The following SERINC3 variants were observed in gnomAD, a reference collection of about 807,000 sequenced individuals.
SERINC3 encodes the protein tumor differentially expressed protein 1.
In SERINC3, 22 loss-of-function variants were observed where a neutral mutation model predicts 52.1. The observed-to-expected ratio is 0.42, with a 90% CI of 0.30 to 0.60. The LOEUF (loss-of-function observed/expected upper bound fraction) is 0.60. SERINC3 is among the 20% of genes least tolerant of loss of function. The pLI, the probability that SERINC3 is intolerant of heterozygous loss-of-function variation, is 0.16. For missense variants in SERINC3, 564 were observed against 584.6 expected (o/e 0.96, Z 0.36); for synonymous variants, 226 against 212.7 (o/e 1.06, Z -0.54).
chr20:44,499,967 C>T lies in SERINC3; in HGVS notation c.*329G>A, dbSNP rs892737060. 1 of 174,382 alleles carries T rather than the reference C, an allele frequency of 5.7e-6. No individual in the cohort carries two copies. The allele number at this position is 174,382 out of a possible 1,614,324, so 10.8% of individuals were successfully genotyped here. On this transcript the variant is annotated 3_prime_UTR_variant, in exon 10 of 10. Transcript: ENST00000342374. Reference sequence around the variant, plus strand: ...ATTAAGCATGGCCTCAAATATCCAACATTTTCCTATCTTACATTTTAAACC... The same window carrying T: ...ATTAAGCATGGCCTCAAATATCCAATATTTTCCTATCTTACATTTTAAACC...
At chr20:44,520,615 C>T (rs536207295) in intron 1 of SERINC3, among the ~76,000 whole-genome samples, 1 of 152,062 alleles carries the variant, frequency 6.6e-6, no homozygotes, top group Non-Finnish European at 1.5e-5. Context: ...TGGGGAAGGA[C>T]GGTGGGGGGA....
rs397757339 is a variant in SERINC3 at position 44,518,973 on chromosome 20, G to GA, written c.39+2939dup. Among the ~76,000 whole-genome samples, 206 of 61,652 alleles carry GA rather than the reference G, an allele frequency of 3.3e-3. 1 individual carries two copies. Among genetic ancestry groups the GA allele is most frequent in the Middle Eastern group, 0.01 (1 of 98 alleles). 40.4% of individuals were successfully genotyped at this position (61,652 alleles called of 152,430 possible). The stretch of plus-strand genomic sequence containing the variant: ...GAGTGGAACTTGTTTTCTCAAAAAC[G>GA]AAAAAAAAAAAAAAAGCCTCAAGTT... On this transcript the variant is annotated intron_variant, in intron 1 of 9. Coordinates refer to ENST00000342374, the MANE Select transcript of SERINC3 (RefSeq NM_006811.4).
rs567272779 is a variant in SERINC3 at position 44,504,921 on chromosome 20, A to G, written c.784-30T>C. On this transcript the variant is annotated intron_variant, in intron 6 of 9. Transcript: ENST00000342374. The stretch of plus-strand genomic sequence containing the variant: ...GGAATCAAAAGGAAAACAGTGGCAC[A>G]GGGACTGCCAAGGGCTGACTTTCCA... 37 of 1,580,674 alleles carry G rather than the reference A, an allele frequency of 2.3e-5. No homozygotes were observed. In the Admixed American group the frequency reaches 4.9e-4, roughly 21 times the overall value.
downstream of SERINC3, chr20:44,496,477 T>C (rs1024912788): frequency 2.6e-5 from 4 of 152,352 alleles, no homozygotes; most frequent in African/African-American, 9.7e-5. Flanking sequence ...CAACTCATTA[T>C]GTGAATACTC....
chr20:44,502,629 T>C (rs1198233369), intron 8 of SERINC3, among the ~76,000 whole-genome samples: 1 of 152,074 alleles, frequency 6.6e-6, no homozygotes, highest in African/African-American at 2.4e-5. Flanking sequence ...GTATTTCTTT[T>C]TGAGATGAGG....
Position 44,501,184 on chromosome 20 carries a change from C to G in SERINC3, c.1172G>C (p.Arg391Pro), listed in dbSNP as rs1407900622. The G allele has an allele frequency of 6.2e-7, 1 of 1,613,912 alleles. No individual in the cohort carries two copies. The highest frequency in any genetic ancestry group is 1.3e-5 in the African/African-American group (1 of 74,914). ...CTCTTTCTCGTTGTCCACAGCCCGC[C>G]GAGGCTGTCCATCTTCTTCATCACT... is the stretch of plus-strand genomic sequence containing the variant. ...GASDEEDGQP[R>P]RAVDNEKEGV... The change falls in exon 9 of 10, where the codon CGG becomes CCG. Residue 391 changes from arginine to proline, a missense_variant. Coordinates refer to ENST00000342374, the MANE Select transcript of SERINC3 (RefSeq NM_006811.4).
intron 1 of SERINC3, among the ~76,000 whole-genome samples, chr20:44,515,643 C>T (rs1600818384): frequency 6.6e-6 from 1 of 151,772 alleles, no homozygotes; most frequent in African/African-American, 2.4e-5. Flanking sequence ...CTAAATGCCA[C>T]TATACGCTTT....
chr20:44,508,430 G>A (rs2064328130), intron 5 of SERINC3, among the ~76,000 whole-genome samples: 4 of 152,244 alleles, frequency 2.6e-5, no homozygotes, highest in Middle Eastern at 3.4e-3. Flanking sequence ...CAGGAAGGCA[G>A]AGGTTGCAGT....
chr20:44,515,812 A>C (rs2064376856), intron 1 of SERINC3, among the ~76,000 whole-genome samples: 4 of 150,408 alleles, frequency 2.7e-5, no homozygotes, highest in African/African-American at 7.3e-5. Flanking sequence ...TGCCACCCCC[A>C]GCTGATTTTT....
At chr20:44,514,915 C>T (rs557358998) in intron 1 of SERINC3, among the ~76,000 whole-genome samples, 71 of 152,242 alleles carry the variant, frequency 4.7e-4, no homozygotes, top group South Asian at 2.5e-3. Flanking sequence ...AGTATATACC[C>T]GACCCCAATA....
chr20:44,521,826 T>C, intron 1 of SERINC3, 87 bp downstream of exon 1: 2 of 1,376,172 alleles, frequency 1.5e-6, no homozygotes, highest in Non-Finnish European at 2.0e-6. Flanking sequence ...CCCGAGAGCC[T>C]CTGGAGCCAA....
In SERINC3 at chr20:44,510,047, C is replaced by T. The variant is rs368038053; in HGVS notation, c.476-19G>A. ...AACCAGACTACAAGAACCAAGAGAA[C>T]AAAGTTATTCTCTACCATAGAGTAA... On this transcript the variant is annotated intron_variant, in intron 4 of 9. Coordinates refer to ENST00000342374, the MANE Select transcript of SERINC3 (RefSeq NM_006811.4). The T allele has an allele frequency of 7.3e-5, 117 of 1,610,692 alleles. No individual in the cohort carries two copies. Among genetic ancestry groups the T allele is most frequent in the Non-Finnish European group, 1.1e-5 (13 of 1,177,096 alleles).
chr20:44,512,809 T>C lies in SERINC3; in HGVS notation c.387A>G (p.Val129=), dbSNP rs1265288606. Residue 129 remains valine, a synonymous_variant, in exon 3 of 10, where the codon GTA becomes GTG. Transcript: ENST00000342374. ...VKTSKDLRAA[V]HNGFWFFKIA... is the part of the protein sequence containing the mutation. ...TCATAAATCTAACATACCCATTGTG[T>C]ACTGCCGCTCGGAGATCTTTACTTG... 6.4e-7 allele frequency: 1 copy of C among 1,572,714 alleles called. No individual in the cohort carries two copies. Among genetic ancestry groups the C allele is most frequent in the Non-Finnish European group, 8.6e-7 (1 of 1,167,724 alleles).
chr20:44,522,025 C>CT lies in SERINC3; in HGVS notation c.-75dup. ...CGGTGGTAACTGCCAGCTGAGGTGA[C>CT]TCCCCAGAAACATGACGGTTTCTCA... On this transcript the variant is annotated 5_prime_UTR_variant, in exon 1 of 10. An upstream open reading frame in the 5' UTR loses its in-frame stop. Transcript: ENST00000342374. The CT allele has an allele frequency of 1.4e-6, 2 of 1,455,254 alleles. No homozygotes were observed. Among genetic ancestry groups the CT allele is most frequent in the Non-Finnish European group, 1.9e-6 (2 of 1,060,112 alleles). The allele number at this position is 1,455,254 out of a possible 1,614,324, so 90.1% of individuals were successfully genotyped here. A position where few individuals can be genotyped will look rare whatever the true frequency, so the allele number is the denominator to read the frequency against.
rs557406296 is a variant in SERINC3, at chr20:44,503,446, G to C, written c.1055+369C>G. 3.9e-5 allele frequency among the ~76,000 whole-genome samples: 6 copies of C among 152,166 alleles called. No homozygotes were observed. In the East Asian group the frequency reaches 9.6e-4, roughly 24 times the overall value. On this transcript the variant is annotated intron_variant, in intron 8 of 9. Transcript: ENST00000342374. ...GAGGATCACCTGAGGTCAGGAGTTC[G>C]AGACCAGCCTAGCCAACATGGTGAA... is the stretch of plus-strand genomic sequence containing the variant.
intron 5 of SERINC3, among the ~76,000 whole-genome samples, chr20:44,507,297 A>G (rs1174774547): frequency 3.3e-5 from 5 of 152,180 alleles, no homozygotes; most frequent in Admixed American, 3.3e-4. Context: ...CTATATGTTA[A>G]TTAATGTGTA....
In SERINC3 at chr20:44,501,207, A is replaced by T. The variant is rs1376136450; in HGVS notation, c.1149T>A (p.Ser383Arg). The change falls in exon 9 of 10, where the codon AGT becomes AGA. Residue 383 changes from serine to arginine, a missense_variant. By Grantham distance (110) the Ser-to-Arg change is moderately radical. Coordinates refer to ENST00000342374, the MANE Select transcript of SERINC3 (RefSeq NM_006811.4). The part of the protein sequence containing the change: ...ILGDTTTSGA[S>R]DEEDGQPRRA... ...GCCGAGGCTGTCCATCTTCTTCATC[A>T]CTGGCACCACTGGTAGTTGTATCAC... 1 of 1,613,992 alleles carries T rather than the reference A, an allele frequency of 6.2e-7. No individual in the cohort carries two copies. Among genetic ancestry groups the T allele is most frequent in the African/African-American group, 1.3e-5 (1 of 74,900 alleles).
intron 4 of SERINC3, among the ~76,000 whole-genome samples, chr20:44,510,373 A>G (rs2064339671): frequency 6.6e-6 from 1 of 152,216 alleles, no homozygotes; most frequent in Admixed American, 6.5e-5. Flanking sequence ...AAGAGTTGTA[A>G]GTCCTTATTT....
chr20:44,499,991 C>A lies in SERINC3; in HGVS notation c.*305G>T. 2 of 195,264 alleles carry A rather than the reference C, an allele frequency of 1.0e-5. No homozygotes were observed. The highest frequency in any genetic ancestry group is 2.1e-5 in the Non-Finnish European group (2 of 97,112). 12.1% of individuals were successfully genotyped at this position (195,264 alleles called of 1,614,324 possible). A position where few individuals can be genotyped will look rare whatever the true frequency, so the allele number is the denominator to read the frequency against. ...ACATTTTCCTATCTTACATTTTAAA[C>A]CAAAGTTAAAAGAACCTACAGGCTT... On this transcript the variant is annotated 3_prime_UTR_variant, in exon 10 of 10. Coordinates refer to ENST00000342374, the MANE Select transcript of SERINC3 (RefSeq NM_006811.4).
Sources: allele counts gnomAD v4.1 joint callset (sites outside exome capture counted in the v4.1 genomes callset), GRCh38; gene constraint gnomAD v4.1.1; transcripts MANE v1.5; gene names NCBI Gene and HGNC (gene_info 2026-07-23, HGNC 2026-07-21).